The following SLC22A5 variants were observed in gnomAD, a reference collection of about 807,000 sequenced individuals.
The protein encoded by SLC22A5 is organic cation/carnitine transporter 2.
SLC22A5 carries 44 observed loss-of-function variants against 56.7 expected under a neutral mutation model. That is an observed-to-expected ratio of 0.78 (90% CI 0.61 to 1.00). SLC22A5 has a LOEUF of 1.00. Among genes scored for constraint, SLC22A5 ranks in the 50% least tolerant of loss-of-function variants. The probability of loss-of-function intolerance (pLI) is 0.00; values close to 1 mark genes in which losing one functional copy is unlikely to be tolerated. For missense variants in SLC22A5, 675 were observed against 723.0 expected, an observed-to-expected ratio of 0.93 and a Z score of 0.76; for synonymous variants, 278 against 292.1, an observed-to-expected ratio of 0.95 and a Z score of 0.49.
intron 1 of SLC22A5, among the ~76,000 whole-genome samples, chr5:132,371,055 C>G (rs13185655): frequency 0.08 from 12,118 of 150,742 alleles, 603 homozygotes; most frequent in East Asian, 0.28. Context: ...TCTTGGCTCA[C>G]TGCAATCTTC....
At position 132,394,944 on chromosome 5, in the gene SLC22A5, G is replaced by C. The variant is rs1030200487; in HGVS notation, c.*672G>C. On this transcript the variant is annotated 3_prime_UTR_variant, in exon 10 of 10. Transcript: ENST00000245407. ...TACATCTGATCAAAGCACTGGGCTT[G>C]TCCAGGCTCATAATAAATGCTCCAT... The C allele has an allele frequency of 1.3e-5, 2 of 152,628 alleles. No homozygotes were observed. Among genetic ancestry groups the C allele is most frequent in the African/African-American group, 4.8e-5 (2 of 41,450 alleles). 9.5% of individuals were successfully genotyped at this position (152,628 alleles called of 1,614,324 possible).
At chr5:132,392,949 G>A (rs1250574894) in intron 8 of SLC22A5, among the ~76,000 whole-genome samples, 1 of 152,182 alleles carries the variant, frequency 6.6e-6, no homozygotes, top group African/African-American at 2.4e-5. Context: ...CTTAGTTGGA[G>A]AAATTTCTTG....
intron 8 of SLC22A5, 24 bp from the exon 9 acceptor site, chr5:132,393,652 G>C (rs1442191353): frequency 1.9e-6 from 3 of 1,613,982 alleles, no homozygotes; most frequent in Non-Finnish European, 2.5e-6. Context: ...CCCTGGGCCT[G>C]AGGCTCCGTC....
intron 1 of SLC22A5, chr5:132,378,109 C>A (rs1168047409): frequency 2.6e-6 from 4 of 1,550,492 alleles, no homozygotes; most frequent in African/African-American, 1.4e-5. Flanking sequence ...TCTCCAGGGT[C>A]AGCATGTGGA....
At position 132,385,472 on chromosome 5, in the gene SLC22A5, C is replaced by G. The variant is rs538372785; in HGVS notation, c.797C>G (p.Pro266Arg). The G allele has an allele frequency of 4.3e-6, 7 of 1,613,906 alleles. No homozygotes were observed. The stretch of plus-strand genomic sequence containing the variant: ...ATGCTGCTGGTGGCGCTGACGATGC[C>G]GGGGGTGCTATGCGTGGCACTCTGG... The part of the protein sequence containing the change: ...WRMLLVALTM[P>R]GVLCVALWWF... Residue 266 changes from proline (P) to arginine (R), a missense_variant, in exon 4 of 10, where the codon CCG becomes CGG. By Grantham distance (103) the Pro-to-Arg change is moderately radical. Coordinates refer to ENST00000245407, the MANE Select transcript of SLC22A5 (RefSeq NM_003060.4).
At chr5:132,388,016 T>C (rs947438114) in intron 5 of SLC22A5, 1 of 152,992 alleles carries the variant, frequency 6.5e-6, no homozygotes, top group African/African-American at 2.4e-5. Flanking sequence ...AGGGAACAGT[T>C]ATTGTAGACA....
intron 1 of SLC22A5, among the ~76,000 whole-genome samples, chr5:132,370,893 C>A (rs114718370): frequency 6.6e-6 from 1 of 151,870 alleles, no homozygotes; most frequent in Non-Finnish European, 1.5e-5. Context: ...AACCCAAAAA[C>A]GACAATCTGG....
At chr5:132,382,410 T>C (rs1271797701) in intron 2 of SLC22A5, 1 of 121,026 alleles carries the variant, frequency 8.3e-6, no homozygotes, top group African/African-American at 3.1e-5. Flanking sequence ...TCTTTAACCA[T>C]GCTGGCTAAT....
In SLC22A5 at chr5:132,370,216, C is replaced by A. The variant is rs955061461; in HGVS notation, c.244C>A (p.Arg82Ser). 8 of 1,587,304 alleles carry A rather than the reference C, an allele frequency of 5.0e-6. No homozygotes were observed. Among genetic ancestry groups the A allele is most frequent in the Non-Finnish European group, 5.1e-6 (6 of 1,167,156 alleles). ...RDGREVPHSC[R>S]RYRLATIANF... is the part of the protein sequence containing the mutation. ...CGGCCGCGAGGTGCCCCACAGCTGC[C>A]GCCGCTACCGGCTCGCCACCATCGC... The change falls in exon 1 of 10, where the codon CGC becomes AGC. Residue 82 changes from arginine to serine, a missense_variant. Arg to Ser is a moderately radical substitution (Grantham distance 110, BLOSUM62 -1). Transcript: ENST00000245407.
chr5:132,378,346 T>C (rs1187857944), intron 1 of SLC22A5, 32 bp from the exon 2 acceptor site: 1 of 1,611,770 alleles, frequency 6.2e-7, no homozygotes, highest in South Asian at 1.1e-5. Context: ...TAAAAAGAAG[T>C]GAATGATACA....
intron 4 of SLC22A5, among the ~76,000 whole-genome samples, chr5:132,386,304 T>C (rs1184236765): frequency 1.3e-5 from 2 of 151,976 alleles, no homozygotes; most frequent in South Asian, 4.2e-4. Context: ...TTCCACTTAC[T>C]GCAACCTCCG....
At chr5:132,392,193 G>A (rs1752725102) in intron 7 of SLC22A5, among the ~76,000 whole-genome samples, 1 of 152,138 alleles carries the variant, frequency 6.6e-6, no homozygotes, top group South Asian at 2.1e-4. Flanking sequence ...GACTATTAAG[G>A]AGCTTACTCT....
chr5:132,374,518 C>T (rs1752062637), intron 1 of SLC22A5, among the ~76,000 whole-genome samples: 1 of 152,194 alleles, frequency 6.6e-6, no homozygotes, highest in Admixed American at 6.5e-5. Context: ...GAGCTTGAAC[C>T]TCACTGTTAC....
intron 1 of SLC22A5, among the ~76,000 whole-genome samples, chr5:132,374,215 G>A (rs1376294033): frequency 3.5e-5 from 5 of 144,452 alleles, no homozygotes; most frequent in Admixed American, 6.9e-5. Context: ...GCAAGACTCC[G>A]TCTCAAAAAA....
intron 2 of SLC22A5, chr5:132,382,458 G>A (rs1368212994): frequency 2.2e-5 from 3 of 138,404 alleles, no homozygotes; most frequent in Admixed American, 7.8e-5. Context: ...CCTTTAAAAC[G>A]TCTACCAGAA....
intron 8 of SLC22A5, 83 bp from the exon 9 acceptor site, chr5:132,393,593 G>C (rs1752777814): frequency 1.3e-6 from 2 of 1,489,496 alleles, no homozygotes; most frequent in African/African-American, 2.8e-5. Flanking sequence ...TCCCCTTCCA[G>C]AGTCCTGGGA....
Position 132,390,755 on chromosome 5 carries a change from T to C in SLC22A5, c.1118T>C (p.Phe373Ser). The change falls in exon 7 of 10, where the codon TTT (phenylalanine) becomes TCT (serine). Residue 373 changes from phenylalanine to serine, a missense_variant. Physicochemically the swap from Phe to Ser is radical, Grantham distance 155. Transcript: ENST00000245407. The stretch of plus-strand genomic sequence containing the variant: ...ACTCCTAACTTGCATGGGGACATCT[T>C]TGTGAACTGCTTCCTTTCAGCGATG... ...LDTPNLHGDI[F>S]VNCFLSAMVE... The C allele has an allele frequency of 1.9e-6, 3 of 1,614,264 alleles. No individual in the cohort carries two copies. In the African/African-American group the frequency reaches 4.0e-5, roughly 22 times the overall value.
At chr5:132,388,005 G>C (rs1752590624) in intron 5 of SLC22A5, 1 of 153,100 alleles carries the variant, frequency 6.5e-6, no homozygotes, top group African/African-American at 2.4e-5. Flanking sequence ...GCTTGGAAAA[G>C]AGGGAACAGT....
rs1314933503 is a variant in SLC22A5 at position 132,384,097 on chromosome 5, C to T, written c.498-50C>T. 3 of 1,600,488 alleles carry T rather than the reference C, an allele frequency of 1.9e-6. No individual in the cohort carries two copies. In the East Asian group the frequency reaches 6.7e-5, roughly 36 times the overall value. On this transcript the variant is annotated intron_variant, in intron 2 of 9. Coordinates refer to ENST00000245407, the MANE Select transcript of SLC22A5 (RefSeq NM_003060.4). ...AAAGCCCCACTTGGTGGAGCCCATT[C>T]CTGCTGCCCTTTTCCAGCTGGTTAT...
Sources: allele counts gnomAD v4.1 joint callset (sites outside exome capture counted in the v4.1 genomes callset), GRCh38; gene constraint gnomAD v4.1.1; transcripts MANE v1.5; gene names NCBI Gene and HGNC (gene_info 2026-07-23, HGNC 2026-07-21).